The following SLC8A1 variants were observed in gnomAD, a reference collection of about 807,000 sequenced individuals.
SLC8A1 encodes sodium/calcium exchanger 1.
Under a neutral mutation model 68.3 loss-of-function variants are expected in SLC8A1, and 18 were observed. That is an observed-to-expected ratio of 0.26 (90% CI 0.18 to 0.39). The LOEUF (loss-of-function observed/expected upper bound fraction) is 0.39, where lower values mean the gene tolerates loss of function less well. Among genes scored for constraint, SLC8A1 ranks in the 10% least tolerant of loss-of-function variants. The pLI is 1.00. For missense variants in SLC8A1, 985 were observed against 1,156.7 expected, an observed-to-expected ratio of 0.85 and a Z score of 2.15; for synonymous variants, 475 against 415.5, an observed-to-expected ratio of 1.14 and a Z score of -1.74.
chr2:40,234,461 CT>C (rs1476842024), intron 2 of SLC8A1, among the ~76,000 whole-genome samples: 1 of 152,114 alleles, frequency 6.6e-6, no homozygotes, highest in East Asian at 1.9e-4. Flanking sequence ...TATCCTGAGA[CT>C]TTGCTGAAGT....
intron 2 of SLC8A1, among the ~76,000 whole-genome samples, chr2:40,290,833 G>A (rs770308832): frequency 2.6e-5 from 4 of 152,062 alleles, no homozygotes; most frequent in Non-Finnish European, 4.4e-5. Flanking sequence ...GTCTATATAG[G>A]TATATCCCTG....
At position 40,178,384 on chromosome 2, in the gene SLC8A1, C is replaced by A. The variant is rs754280036; in HGVS notation, c.1809-529G>T. On this transcript the variant is annotated intron_variant, in intron 2 of 7. Transcript: ENST00000406785. Reference sequence around the variant, plus strand: ...GGGCTCAGCCCTGGAGCAGCTCCCCCACCTTTCTTCTCACTCATCTCCACC... The same window carrying A: ...GGGCTCAGCCCTGGAGCAGCTCCCCAACCTTTCTTCTCACTCATCTCCACC... 10 of 1,613,138 alleles carry A rather than the reference C, an allele frequency of 6.2e-6. No individual in the cohort carries two copies. The East Asian group carries it at 6.7e-5, about 11-fold the overall frequency.
At chr2:40,456,594 A>T (rs954408582), upstream of SLC8A1, among the ~76,000 whole-genome samples, 1 of 152,144 alleles carries the variant, frequency 6.6e-6, no homozygotes, top group African/African-American at 2.4e-5. Flanking sequence ...TTAACCTCTT[A>T]AATCTCAATA....
chr2:40,296,666 T>A (rs1386765562), intron 2 of SLC8A1, among the ~76,000 whole-genome samples: 2 of 152,218 alleles, frequency 1.3e-5, no homozygotes, highest in South Asian at 4.1e-4. Flanking sequence ...AATCATTTAA[T>A]AAATTATATT....
intron 2 of SLC8A1, among the ~76,000 whole-genome samples, chr2:40,381,408 C>G (rs1681742987): frequency 6.6e-6 from 1 of 152,022 alleles, no homozygotes. Flanking sequence ...TCCTGTGGGA[C>G]AAACTTCACA....
At chr2:40,492,214 G>C (rs1198236231) in intron 1 of SLC8A1, among the ~76,000 whole-genome samples, 1 of 152,034 alleles carries the variant, frequency 6.6e-6, no homozygotes, top group African/African-American at 2.4e-5. Context: ...TCTGATCTTT[G>C]ACAAACCTGA....
intron 2 of SLC8A1, among the ~76,000 whole-genome samples, chr2:40,395,584 C>G (rs1302543212): frequency 6.6e-6 from 1 of 152,076 alleles, no homozygotes; most frequent in Non-Finnish European, 1.5e-5. Context: ...AGCAAGACAG[C>G]ACAGAGGTTG....
chr2:40,397,765 A>C (rs570479033), intron 2 of SLC8A1, among the ~76,000 whole-genome samples: 1 of 152,346 alleles, frequency 6.6e-6, no homozygotes, highest in East Asian at 1.9e-4. Flanking sequence ...ACAGAGATCC[A>C]GGTCAAAGAA....
intron 2 of SLC8A1, among the ~76,000 whole-genome samples, chr2:40,399,539 C>G (rs1224753076): frequency 6.6e-6 from 1 of 151,946 alleles, no homozygotes; most frequent in African/African-American, 2.4e-5. Context: ...AGGTCTAGAT[C>G]CAAAAAATAA....
Position 40,394,848 on chromosome 2 carries a change from T to G in SLC8A1, c.1808+33625A>C, listed in dbSNP as rs977663053. Reference sequence around the variant, plus strand: ...TGAAGGCCACAGAAGTTGTCATTTGTGCAAAGACTCCCAGAAAGTCAGTTG... The same window carrying G: ...TGAAGGCCACAGAAGTTGTCATTTGGGCAAAGACTCCCAGAAAGTCAGTTG... On this transcript the variant is annotated intron_variant, in intron 2 of 7. Coordinates refer to ENST00000406785, the Ensembl canonical transcript of SLC8A1. Among the ~76,000 whole-genome samples, 7 of 152,150 alleles carry G rather than the reference T, an allele frequency of 4.6e-5. No individual in the cohort carries two copies. In the East Asian group the frequency reaches 1.3e-3, roughly 29 times the overall value.
chr2:40,253,143 G>GTATATACATACATATATATGTATATA (rs2063225020), intron 2 of SLC8A1, among the ~76,000 whole-genome samples: 1 of 110,138 alleles, frequency 9.1e-6, no homozygotes, highest in Non-Finnish European at 1.8e-5. Context: ...ATATGTATAT[G>GTATATACATACATATATATGTATATA]TATATACATA....
At chr2:40,510,594 A>G (rs184569889) in intron 1 of SLC8A1, among the ~76,000 whole-genome samples, 9 of 152,298 alleles carry the variant, frequency 5.9e-5, no homozygotes, top group Non-Finnish European at 7.4e-5. Flanking sequence ...ATAGTGTTTA[A>G]TTAAGTATTT....
At chr2:40,359,531 A>G (rs981751075) in intron 2 of SLC8A1, among the ~76,000 whole-genome samples, 3 of 152,084 alleles carry the variant, frequency 2.0e-5, no homozygotes, top group Admixed American at 6.6e-5. Flanking sequence ...ATCAAAAGGC[A>G]CCTGGAGGCA....
At chr2:40,127,309 C>T (rs1311361113) in intron 7 of SLC8A1, among the ~76,000 whole-genome samples, 3 of 152,020 alleles carry the variant, frequency 2.0e-5, no homozygotes, top group Non-Finnish European at 2.9e-5. Context: ...TGTGGTTTAC[C>T]CCATTTCTCC....
intron 6 of SLC8A1, among the ~76,000 whole-genome samples, chr2:40,158,694 A>G (rs1298578473): frequency 2.0e-5 from 3 of 152,158 alleles, no homozygotes; most frequent in Non-Finnish European, 4.4e-5. Context: ...TCTAAAGGGC[A>G]GTAGATAGCA....
At chr2:40,166,105 C>T (rs969321989) in intron 4 of SLC8A1, among the ~76,000 whole-genome samples, 6 of 152,170 alleles carry the variant, frequency 3.9e-5, no homozygotes. Context: ...ATGTTTGGTC[C>T]TGGCTTCCTG....
chr2:40,250,292 A>C (rs973048830), intron 2 of SLC8A1: 6 of 152,204 alleles, frequency 3.9e-5, no homozygotes, highest in Non-Finnish European at 5.9e-5. Flanking sequence ...ACATGTTTGA[A>C]TTTCAGTTTT....
intron 2 of SLC8A1, among the ~76,000 whole-genome samples, chr2:40,417,355 AGGAGAC>A (rs1694185871): frequency 6.6e-6 from 1 of 152,150 alleles, no homozygotes; most frequent in Non-Finnish European, 1.5e-5. Flanking sequence ...AGGTTGGCCC[AGGAGAC>A]ATCATTGGGA....
At chr2:40,433,744 G>T (rs1698837954) in intron 1 of SLC8A1, among the ~76,000 whole-genome samples, 1 of 152,096 alleles carries the variant, frequency 6.6e-6, no homozygotes, top group African/African-American at 2.4e-5. Flanking sequence ...TTCCAAGACT[G>T]ATATAACTAA....
Sources: gnomAD v4.1 joint callset for allele counts (sites outside exome capture counted in the v4.1 genomes callset) on GRCh38, gnomAD v4.1.1 for gene constraint, MANE v1.5 for transcripts, NCBI Gene and HGNC (gene_info 2026-07-23, HGNC 2026-07-21) for gene names.